Variants in RBM25 observed in about 807,000 individuals in gnomAD.
RBM25 encodes the protein RNA binding motif protein 25, also known as RNA-binding protein 25.
In RBM25, 19 loss-of-function variants were observed where a neutral mutation model predicts 120.7. That is an observed-to-expected ratio of 0.16 (90% CI 0.11 to 0.23). RBM25 has a LOEUF of 0.23. Among genes scored for constraint, RBM25 ranks in the 10% least tolerant of loss-of-function variants. The pLI is 1.00. For missense variants in RBM25, 605 were observed against 1,041.5 expected, an observed-to-expected ratio of 0.58 and a Z score of 5.77; for synonymous variants, 390 against 326.7, an observed-to-expected ratio of 1.19 and a Z score of -2.09.
chr14:73,066,533 C>T (rs1380543195), intron 1 of RBM25, among the ~76,000 whole-genome samples: 1 of 151,772 alleles, frequency 6.6e-6, no homozygotes, highest in Admixed American at 6.6e-5. Flanking sequence ...CACCTGTAAT[C>T]CTAGCTACTT....
At chr14:73,059,191 A>T (rs951565387) in intron 1 of RBM25, 1 of 152,138 alleles carries the variant, frequency 6.6e-6, no homozygotes, top group African/African-American at 2.4e-5. Flanking sequence ...CCACCAACGG[A>T]TATCTTTCCC....
intron 1 of RBM25, among the ~76,000 whole-genome samples, chr14:73,059,874 T>G (rs1426886901): frequency 6.6e-6 from 1 of 152,220 alleles, no homozygotes; most frequent in Non-Finnish European, 1.5e-5. Context: ...GTAGTATCTA[T>G]ACGTTATTGG....
chr14:73,099,115 G>C (rs1415082725), intron 7 of RBM25, among the ~76,000 whole-genome samples: 2 of 152,124 alleles, frequency 1.3e-5, no homozygotes, highest in Non-Finnish European at 2.9e-5. Context: ...TTGTTGGTAT[G>C]ATTAGAAAGC....
intron 9 of RBM25, chr14:73,100,128 T>C (rs1594925120): frequency 2.1e-6 from 1 of 469,346 alleles, no homozygotes; most frequent in South Asian, 4.4e-5. Flanking sequence ...GAATACCTTT[T>C]CTTTAGAGCT....
intron 1 of RBM25, among the ~76,000 whole-genome samples, chr14:73,066,248 A>G (rs931554531): frequency 2.0e-5 from 3 of 152,186 alleles, no homozygotes; most frequent in Non-Finnish European, 4.4e-5. Context: ...ACACATTTAC[A>G]GTCTTGCAAT....
At chr14:73,074,007 A>G (rs1895353984) in intron 2 of RBM25, among the ~76,000 whole-genome samples, 1 of 152,180 alleles carries the variant, frequency 6.6e-6, no homozygotes, top group African/African-American at 2.4e-5. Flanking sequence ...CTTAAAATGA[A>G]TTTTGCTGAA....
chr14:73,103,001 T>C, intron 9 of RBM25, 191 bp from the exon 10 acceptor site: 1 of 1,215,574 alleles, frequency 8.2e-7, no homozygotes, highest in Non-Finnish European at 1.1e-6. Context: ...GTGTAGAGTA[T>C]ATGGTTTTGC....
intron 6 of RBM25, 147 bp from the exon 7 acceptor site, chr14:73,096,768 G>C: frequency 1.6e-6 from 1 of 612,796 alleles, no homozygotes; most frequent in Middle Eastern, 4.4e-4. Context: ...AAGCTTTTCT[G>C]ATGTTAAGAA....
intron 4 of RBM25, among the ~76,000 whole-genome samples, chr14:73,081,146 T>G (rs1346003438): frequency 6.6e-6 from 1 of 151,430 alleles, no homozygotes; most frequent in Non-Finnish European, 1.5e-5. Flanking sequence ...TAATTTTTTA[T>G]TTTTTATCTT....
chr14:73,105,754 C>G (rs916987737), intron 10 of RBM25, 105 bp from the exon 11 acceptor site: 126 of 1,498,228 alleles, frequency 8.4e-5, no homozygotes, highest in Non-Finnish European at 1.1e-4. Flanking sequence ...AGATTCTGGC[C>G]TGTGAGATTT....
At chr14:73,067,033 G>T (rs1173970805) in intron 1 of RBM25, among the ~76,000 whole-genome samples, 1 of 151,864 alleles carries the variant, frequency 6.6e-6, no homozygotes, top group South Asian at 2.1e-4. Flanking sequence ...TAGTTTTCAG[G>T]GATGATTTTG....
chr14:73,083,165 A>G (rs1418113586), intron 4 of RBM25, among the ~76,000 whole-genome samples: 2 of 152,194 alleles, frequency 1.3e-5, no homozygotes, highest in Admixed American at 6.5e-5. Context: ...TAAATTTATT[A>G]TAGTTTGTTT....
intron 4 of RBM25, among the ~76,000 whole-genome samples, chr14:73,079,268 CA>C (rs1895501088): frequency 6.6e-6 from 1 of 150,376 alleles, no homozygotes; most frequent in Non-Finnish European, 1.5e-5. Flanking sequence ...ACTAAAAATA[CA>C]AAAATTAACC....
chr14:73,113,412 A>T (rs999900104), intron 17 of RBM25, among the ~76,000 whole-genome samples: 3 of 151,108 alleles, frequency 2.0e-5, no homozygotes, highest in Admixed American at 1.3e-4. Flanking sequence ...TAAAATGTTA[A>T]CAAGACAGTG....
chr14:73,102,155 C>G (rs1896069192), intron 9 of RBM25: 1 of 152,158 alleles, frequency 6.6e-6, no homozygotes, highest in Non-Finnish European at 1.5e-5. Flanking sequence ...TTTATTGTTG[C>G]AGTTTAAAAT....
Position 73,086,285 on chromosome 14 carries a change from G to C in RBM25, c.383-1716G>C, listed in dbSNP as rs889774009. ...AAACCCTGTCTCTACTAAAAATACA[G>C]AAATTAGCTGAGTGTGGTGGTGCGC... On this transcript the variant is annotated intron_variant, in intron 5 of 18. Coordinates refer to ENST00000261973, the MANE Select transcript of RBM25 (RefSeq NM_021239.3). Among the ~76,000 whole-genome samples, 4 of 151,758 alleles carry C rather than the reference G, an allele frequency of 2.6e-5. No individual in the cohort carries two copies. The East Asian group carries it at 7.7e-4, about 29-fold the overall frequency.
At chr14:73,110,098 T>G (rs1896278186) in intron 14 of RBM25, among the ~76,000 whole-genome samples, 1 of 151,778 alleles carries the variant, frequency 6.6e-6, no homozygotes, top group Non-Finnish European at 1.5e-5. Flanking sequence ...TTGGCCAGGC[T>G]AGTATTAAAC....
chr14:73,118,032 GGAA>G (rs766014360), intron 18 of RBM25, among the ~76,000 whole-genome samples: 6 of 152,164 alleles, frequency 3.9e-5, no homozygotes, highest in African/African-American at 7.2e-5. Context: ...ATCCACCACT[GGAA>G]GAAGACTTGT....
At chr14:73,061,481 C>T (rs79252115) in intron 1 of RBM25, among the ~76,000 whole-genome samples, 43,808 of 151,030 alleles carry the variant, frequency 0.29, 7,455 homozygotes, top group Admixed American at 0.32. Flanking sequence ...AAAAGGATTC[C>T]TTCTGTCTGT....
Sources: gnomAD v4.1 joint callset for allele counts (sites outside exome capture counted in the v4.1 genomes callset) on GRCh38, gnomAD v4.1.1 for gene constraint, MANE v1.5 for transcripts, NCBI Gene and HGNC (gene_info 2026-07-23, HGNC 2026-07-21) for gene names.